Variants in PRKAB1 observed in about 807,000 individuals in gnomAD.
PRKAB1 encodes the protein protein kinase AMP-activated non-catalytic subunit beta 1.
In PRKAB1, 18 loss-of-function variants were observed where a neutral mutation model predicts 32.0. The observed-to-expected ratio is 0.56, with a 90% CI of 0.39 to 0.83. The LOEUF (loss-of-function observed/expected upper bound fraction) is 0.83, where lower values mean the gene tolerates loss of function less well. Among genes scored for constraint, PRKAB1 ranks in the 40% least tolerant of loss-of-function variants. The probability of loss-of-function intolerance (pLI) is 0.00; values close to 1 mark genes in which losing one functional copy is unlikely to be tolerated. For missense variants in PRKAB1, 263 were observed against 352.6 expected, an observed-to-expected ratio of 0.75 and a Z score of 2.03; for synonymous variants, 141 against 141.4, an observed-to-expected ratio of 1.00 and a Z score of 0.02.
Position 119,668,244 on chromosome 12 carries a change from C to A in PRKAB1, c.-1C>A. 3 of 1,589,296 alleles carry A rather than the reference C, an allele frequency of 1.9e-6. No homozygotes were observed. Among genetic ancestry groups the A allele is most frequent in the Non-Finnish European group, 2.6e-6 (3 of 1,171,340 alleles). On this transcript the variant is annotated 5_prime_UTR_variant, in exon 1 of 7. Coordinates refer to ENST00000229328, the MANE Select transcript of PRKAB1 (RefSeq NM_006253.5). Reference sequence around the variant, plus strand: ...TCCCTGTGTCCCCGCAGACCCCCATCATGGGCAATACCAGCAGTGAGCGCG... The same window carrying A: ...TCCCTGTGTCCCCGCAGACCCCCATAATGGGCAATACCAGCAGTGAGCGCG...
intron 1 of PRKAB1, among the ~76,000 whole-genome samples, chr12:119,668,812 T>G (rs1228977522): frequency 6.6e-6 from 1 of 152,234 alleles, no homozygotes. Flanking sequence ...TTTGTAAAAG[T>G]TAGTTTGGGA....
rs1955455538 is a variant in PRKAB1, at chr12:119,680,343, G to T, written c.*18G>T. 1 of 1,607,048 alleles carries T rather than the reference G, an allele frequency of 6.2e-7. No individual in the cohort carries two copies. The highest frequency in any genetic ancestry group is 8.5e-7 in the Non-Finnish European group (1 of 1,173,866). On this transcript the variant is annotated 3_prime_UTR_variant, in exon 7 of 7. Coordinates refer to ENST00000229328, the MANE Select transcript of PRKAB1 (RefSeq NM_006253.5). ...CCATATGAAGAGCTGGGGGCGGATG[G>T]TGGCCCAGGAGACAGCACACCACCA...
rs1010075159 is a variant in PRKAB1 at position 119,676,454 on chromosome 12, A to G, written c.533-83A>G. 6.3e-6 allele frequency: 9 copies of G among 1,421,674 alleles called. No homozygotes were observed. The Admixed American group carries it at 1.8e-4, about 29-fold the overall frequency. The allele number at this position is 1,421,674 out of a possible 1,614,324, so 88.1% of individuals were successfully genotyped here. A position where few individuals can be genotyped will look rare whatever the true frequency, so the allele number is the denominator to read the frequency against. ...GCATTGAGGGAACAAGAGACAAGGAAAATGAGATGATGACAACATAAGTAA... is the reference window on the plus strand; with the variant it reads ...GCATTGAGGGAACAAGAGACAAGGAGAATGAGATGATGACAACATAAGTAA... On this transcript the variant is annotated intron_variant, in intron 4 of 6. Transcript: ENST00000229328.
At chr12:119,678,373 ACAGAG>A (rs1955442073) in intron 5 of PRKAB1, 1 of 152,310 alleles carries the variant, frequency 6.6e-6, no homozygotes, top group Non-Finnish European at 1.5e-5. Flanking sequence ...AAACTGAGGC[ACAGAG>A]CAGTAGGGAG....
At chr12:119,676,263 C>T (rs920107387) in intron 4 of PRKAB1, among the ~76,000 whole-genome samples, 4 of 152,150 alleles carry the variant, frequency 2.6e-5, no homozygotes, top group Non-Finnish European at 5.9e-5. Flanking sequence ...CGAGAATAGC[C>T]TCCTTGTGAT....
chr12:119,669,126 AT>A (rs1325541045), intron 1 of PRKAB1, among the ~76,000 whole-genome samples: 4 of 148,596 alleles, frequency 2.7e-5, no homozygotes, highest in Admixed American at 1.4e-4. Flanking sequence ...CAAAAAAAAA[AT>A]ATAAATAAAA....
Position 119,679,912 on chromosome 12 carries a change from G to A in PRKAB1, c.667-21G>A, listed in dbSNP as rs201638070. On this transcript the variant is annotated intron_variant, in intron 5 of 6. Transcript: ENST00000229328. The surrounding 1 kb of genome is among the most constrained non-coding windows in gnomAD (Gnocchi z 4.1). ...GGTTTCCAAATCCCAAATGCTCACC[G>A]CTGCCTTTGTTCCCTCACAGTGTGA... 2.9e-4 allele frequency: 473 copies of A among 1,612,702 alleles called. 6 individuals carry two copies. The East Asian group carries it at 9.7e-3, about 33-fold the overall frequency.
Position 119,674,230 on chromosome 12 carries a change from AGGG to A in PRKAB1, c.418-109_418-107del. On this transcript the variant is annotated intron_variant, in intron 3 of 6. Transcript: ENST00000229328. This position sits in a 1 kb window ranked among gnomAD's most constrained non-coding sequence, Gnocchi z 4.3. ...GTTGGCATACTTGACCAAGATGAGC[AGGG>A]TGGCTAGCCAGGAGATGAGGCCTTC... 6 of 1,042,298 alleles carry A rather than the reference AGGG, an allele frequency of 5.8e-6. No homozygotes were observed. The highest frequency in any genetic ancestry group is 8.6e-6 in the Non-Finnish European group (6 of 693,870). 64.6% of individuals were successfully genotyped at this position (1,042,298 alleles called of 1,614,324 possible).
intron 4 of PRKAB1, among the ~76,000 whole-genome samples, chr12:119,676,034 T>C (rs1434406676): frequency 2.0e-5 from 3 of 152,232 alleles, no homozygotes; most frequent in Non-Finnish European, 4.4e-5. Context: ...GCTTTCAATT[T>C]TCCCCCCCAT....
intron 5 of PRKAB1, 109 bp downstream of exon 5, chr12:119,676,779 C>T (rs1030473603): frequency 2.9e-6 from 4 of 1,396,468 alleles, no homozygotes; most frequent in African/African-American, 1.4e-5. Flanking sequence ...TCAGTGTCAC[C>T]CCCTAGTGTG....
At chr12:119,676,798 C>T (rs1292226989) in intron 5 of PRKAB1, 128 bp downstream of exon 5, 14 of 1,261,174 alleles carry the variant, frequency 1.1e-5, no homozygotes, top group African/African-American at 6.0e-5. Flanking sequence ...TGAACTGTGC[C>T]GTTCACCTCT....
At chr12:119,675,284 C>T (rs1240411556) in intron 4 of PRKAB1, among the ~76,000 whole-genome samples, 2 of 152,156 alleles carry the variant, frequency 1.3e-5, no homozygotes, top group Non-Finnish European at 2.9e-5. Flanking sequence ...TCTAGTTAGG[C>T]CTGGAAGTTC....
chr12:119,673,323 T>A (rs1955400579), intron 2 of PRKAB1, among the ~76,000 whole-genome samples: 1 of 152,244 alleles, frequency 6.6e-6, no homozygotes, highest in African/African-American at 2.4e-5. Flanking sequence ...ACTTCTGTCT[T>A]AAGTTGTCAG....
intron 5 of PRKAB1, chr12:119,677,785 G>A (rs1395201401): frequency 1.2e-5 from 1 of 82,380 alleles, no homozygotes; most frequent in South Asian, 4.1e-4. Context: ...TTTTTTTTGA[G>A]ACGGAGTCTT....
intron 1 of PRKAB1, among the ~76,000 whole-genome samples, chr12:119,669,149 G>A (rs1003240994): frequency 1.3e-5 from 2 of 151,024 alleles, no homozygotes; most frequent in African/African-American, 4.9e-5. Context: ...TAAAAAAGAC[G>A]GTGGTCTCAC....
chr12:119,676,820 G>A (rs1021696784), intron 5 of PRKAB1, 150 bp downstream of exon 5: 1 of 1,137,126 alleles, frequency 8.8e-7, no homozygotes, highest in Middle Eastern at 3.0e-4. Flanking sequence ...CTGTGGGGAT[G>A]GGCTGATAAC....
chr12:119,668,123 C>G (rs1955352591), upstream of PRKAB1: 1 of 1,229,030 alleles, frequency 8.1e-7, no homozygotes, highest in Admixed American at 3.8e-5. Context: ...GCGTGGTGTC[C>G]TGGTGCTCCG....
Position 119,679,898 on chromosome 12 carries a change from C to A in PRKAB1, c.667-35C>A. ...AAGGGGAGAATCTTGGTTTCCAAAT[C>A]CCAAATGCTCACCGCTGCCTTTGTT... On this transcript the variant is annotated intron_variant, in intron 5 of 6. Transcript: ENST00000229328. This position sits in a 1 kb window ranked among gnomAD's most constrained non-coding sequence, Gnocchi z 4.1. The A allele has an allele frequency of 1.2e-6, 2 of 1,606,374 alleles. No homozygotes were observed. The highest frequency in any genetic ancestry group is 1.7e-6 in the Non-Finnish European group (2 of 1,172,954).
rs1955461096 is a variant in PRKAB1, at chr12:119,681,073, A to G, written c.*748A>G. The stretch of plus-strand genomic sequence containing the variant: ...AACAGACTTTTCAACCTGCTGCCGG[A>G]TTTCTCCATTCAGCTGGATGATCCT... On this transcript the variant is annotated 3_prime_UTR_variant, in exon 7 of 7. Transcript: ENST00000229328. 2 of 152,504 alleles carry G rather than the reference A, an allele frequency of 1.3e-5. No individual in the cohort carries two copies. The highest frequency in any genetic ancestry group is 4.8e-5 in the African/African-American group (2 of 41,422). 9.4% of individuals were successfully genotyped at this position (152,504 alleles called of 1,614,324 possible).
Sources: allele counts gnomAD v4.1 joint callset (sites outside exome capture counted in the v4.1 genomes callset), GRCh38; gene constraint gnomAD v4.1.1; non-coding constraint Gnocchi (gnomAD v3.1); transcripts MANE v1.5; gene names NCBI Gene and HGNC (gene_info 2026-07-23, HGNC 2026-07-21).